Variants in SETD1A observed in about 807,000 individuals in gnomAD.
The protein encoded by SETD1A is SET domain containing 1A, histone lysine methyltransferase.
Under a neutral mutation model 149.9 loss-of-function variants are expected in SETD1A, and 29 were observed. The ratio of observed to expected loss-of-function variants is 0.19; its 90% confidence interval spans 0.14 to 0.26. The LOEUF (loss-of-function observed/expected upper bound fraction) is 0.26. SETD1A is among the 10% of genes least tolerant of loss of function. The probability of loss-of-function intolerance (pLI) is 1.00; values close to 1 mark genes in which losing one functional copy is unlikely to be tolerated. For missense variants in SETD1A, 2,109 were observed against 2,353.1 expected, an observed-to-expected ratio of 0.90 and a Z score of 2.15; for synonymous variants, 1,141 against 968.5, an observed-to-expected ratio of 1.18 and a Z score of -3.31.
chr16:30,981,306 A>T, intron 17 of SETD1A, 126 bp downstream of exon 17: 1 of 1,241,108 alleles, frequency 8.1e-7, no homozygotes, highest in Non-Finnish European at 1.1e-6. Context: ...AGCCAGTGAG[A>T]CCAGCCTCCC....
chr16:30,960,199 A>G (rs577637106), intron 3 of SETD1A, among the ~76,000 whole-genome samples: 1 of 151,752 alleles, frequency 6.6e-6, no homozygotes, highest in South Asian at 2.1e-4. Context: ...CCTTGCTGTC[A>G]TTTGTCTCTT....
chr16:30,974,154 A>G (rs1471322993), intron 13 of SETD1A, among the ~76,000 whole-genome samples: 1 of 152,122 alleles, frequency 6.6e-6, no homozygotes, highest in Non-Finnish European at 1.5e-5. Context: ...TTTAGGAGGT[A>G]GGATGATTTG....
chr16:30,964,154 G>A lies in SETD1A; in HGVS notation c.700G>A (p.Val234Met). Reference protein sequence around the residue: ...TAAYPAGTTAVGTPGNGTPCS... With the variant: ...TAAYPAGTTAMGTPGNGTPCS... ...TGCCTACCCAGCAGGCACCACTGCG[G>A]TGGGCACTCCTGGCAACGGCACCCC... Residue 234 changes from valine to methionine, a missense_variant, in exon 6 of 19, where the codon GTG becomes ATG. By Grantham distance (21) the Val-to-Met change is conservative (BLOSUM62 1). Around this residue, in one of 8 missense-constraint regions of SETD1A, gnomAD observed 410 missense variants for 394.8 expected, o/e 1.04. Transcript: ENST00000262519. 6.2e-7 allele frequency: 1 copy of A among 1,614,100 alleles called. No individual in the cohort carries two copies. Among genetic ancestry groups the A allele is most frequent in the Non-Finnish European group, 8.5e-7 (1 of 1,179,998 alleles).
In SETD1A at chr16:30,979,763, C is replaced by T. The variant is rs1407942319; in HGVS notation, c.3977C>T (p.Ala1326Val). Residue 1326 changes from alanine (A) to valine (V), a missense_variant, in exon 14 of 19, where the codon GCC becomes GTC. Physicochemically the swap from Ala to Val is moderately conservative, Grantham distance 64. Around this residue, in one of 8 missense-constraint regions of SETD1A, gnomAD observed 832 missense variants for 815.6 expected, o/e 1.02. Coordinates refer to ENST00000262519, the MANE Select transcript of SETD1A (RefSeq NM_014712.3). ...RPPEPVPAPA[A>V]LFSSPADEVL... ...CCGGAGCCAGTGCCCGCACCCGCCGCCCTCTTCAGTTCCCCAGCTGATGAG... is the reference window on the plus strand; with the variant it reads ...CCGGAGCCAGTGCCCGCACCCGCCGTCCTCTTCAGTTCCCCAGCTGATGAG... 4 of 1,595,468 alleles carry T rather than the reference C, an allele frequency of 2.5e-6. No individual in the cohort carries two copies. The highest frequency in any genetic ancestry group is 1.7e-5 in the Admixed American group (1 of 59,132).
At position 30,966,875 on chromosome 16, in the gene SETD1A, T is replaced by C. The variant is rs1441257741; in HGVS notation, c.2506-9T>C. 1.9e-6 allele frequency: 3 copies of C among 1,547,716 alleles called. No individual in the cohort carries two copies. The South Asian group carries it at 3.6e-5, about 19-fold the overall frequency. On this transcript the variant is annotated splice_polypyrimidine_tract_variant and intron_variant, in intron 8 of 18. Coordinates refer to ENST00000262519, the MANE Select transcript of SETD1A (RefSeq NM_014712.3). ...GGGCGCTGGGGCTCAGCCCCACTGC[T>C]GCCTGCAGCCATTCCAGAACGCGGC...
rs981149399 is a variant in SETD1A, at chr16:30,965,653, G to A, written c.1772G>A (p.Gly591Asp). The A allele has an allele frequency of 1.2e-6, 2 of 1,609,294 alleles. No homozygotes were observed. The highest frequency in any genetic ancestry group is 1.7e-5 in the Admixed American group (1 of 59,622). The change falls in exon 8 of 19, where the codon GGT becomes GAT. Residue 591 changes from glycine to aspartate, a missense_variant. Physicochemically the swap from Gly to Asp is moderately conservative, Grantham distance 94 (BLOSUM62 -1). Transcript: ENST00000262519. ...ATGGAGATCTCCGACGACGACCGGG[G>A]TGGCTCACCCCCTCCGGCCCCGACG... ...DDMEISDDDR[G>D]GSPPPAPTPP... is the part of the protein sequence containing the mutation.
rs573452996 is a variant in SETD1A, at chr16:30,980,426, C to T, written c.4409-59C>T. The stretch of plus-strand genomic sequence containing the variant: ...CTCAGCGGCGTGGGCCCCGCCCTCT[C>T]CTTTGGCTGGGACGCAGGTGGCCAG... On this transcript the variant is annotated intron_variant, in intron 14 of 18. Transcript: ENST00000262519. The surrounding 1 kb of genome is among the most constrained non-coding windows in gnomAD (Gnocchi z 7.7). 2.4e-5 allele frequency: 37 copies of T among 1,566,002 alleles called. No homozygotes were observed. The East Asian group carries it at 7.2e-4, about 30-fold the overall frequency.
chr16:30,978,340 G>A (rs1230035100), intron 13 of SETD1A, among the ~76,000 whole-genome samples: 1 of 151,706 alleles, frequency 6.6e-6, no homozygotes, highest in Non-Finnish European at 1.5e-5. Context: ...GTTACTCTAC[G>A]TAAGAGGTGT....
rs2143578584 is a variant in SETD1A, at chr16:30,979,502, T to C, written c.3716T>C (p.Leu1239Pro). 6.2e-7 allele frequency: 1 copy of C among 1,604,698 alleles called. No individual in the cohort carries two copies. Among genetic ancestry groups the C allele is most frequent in the African/African-American group, 1.3e-5 (1 of 74,898 alleles). ...AGCCGGGCTGGAGGCCGAGGCCGCC[T>C]CACCGAGGAAGAGGAGGCTGAGCCA... ...GRSRAGGRGR[L>P]TEEEEAEPGT... Residue 1239 changes from leucine to proline, a missense_variant, in exon 14 of 19, where the codon CTC (leucine) becomes CCC (proline). By Grantham distance (98) the Leu-to-Pro change is moderately conservative (BLOSUM62 -3). Coordinates refer to ENST00000262519, the MANE Select transcript of SETD1A (RefSeq NM_014712.3).
intron 6 of SETD1A, 67 bp downstream of exon 6, chr16:30,964,390 C>G (rs1330433412): frequency 8.5e-6 from 12 of 1,403,842 alleles, no homozygotes; most frequent in Admixed American, 5.6e-5. Flanking sequence ...GAAGAAGATG[C>G]CCAGAGTCTG....
chr16:30,973,163 A>C (rs542862443), intron 13 of SETD1A, among the ~76,000 whole-genome samples: 1 of 152,294 alleles, frequency 6.6e-6, no homozygotes, highest in Non-Finnish European at 1.5e-5. Flanking sequence ...CCCAGCAGAC[A>C]AATAGGCCAG....
intron 12 of SETD1A, among the ~76,000 whole-genome samples, chr16:30,970,803 C>G (rs1341566743): frequency 2.0e-5 from 3 of 152,216 alleles, no homozygotes; most frequent in Non-Finnish European, 4.4e-5. Flanking sequence ...TCGCCCTCCT[C>G]CAGTCCGCTC....
chr16:30,980,247 C>G lies in SETD1A; in HGVS notation c.4408+53C>G. On this transcript the variant is annotated intron_variant, in intron 14 of 18. Transcript: ENST00000262519. This position sits in a 1 kb window ranked among gnomAD's most constrained non-coding sequence, Gnocchi z 7.7. ...GGGCTTGGGTCCTCCCCCGACCCCT[C>G]CAGGCACCTGCATCTGTGCCCCACT... 1 of 1,532,158 alleles carries G rather than the reference C, an allele frequency of 6.5e-7. No individual in the cohort carries two copies. Among genetic ancestry groups the G allele is most frequent in the South Asian group, 1.3e-5 (1 of 78,288 alleles). The allele number at this position is 1,532,158 out of a possible 1,614,324, so 94.9% of individuals were successfully genotyped here.
Position 30,980,871 on chromosome 16 carries a change from G to A in SETD1A, c.4692+22G>A, listed in dbSNP as rs1213899243. The stretch of plus-strand genomic sequence containing the variant: ...CAAGGTGAGGCTGGGCTGCAGGAGG[G>A]GCTGGGTGGGGTGGGGTGGGGCAGG... On this transcript the variant is annotated intron_variant, in intron 16 of 18. Coordinates refer to ENST00000262519, the MANE Select transcript of SETD1A (RefSeq NM_014712.3). The surrounding 1 kb of genome is among the most constrained non-coding windows in gnomAD (Gnocchi z 7.7). The A allele has an allele frequency of 2.6e-6, 4 of 1,513,200 alleles. No individual in the cohort carries two copies. The highest frequency in any genetic ancestry group is 1.8e-4 in the Middle Eastern group (1 of 5,686). The allele number at this position is 1,513,200 out of a possible 1,614,324, so 93.7% of individuals were successfully genotyped here.
At chr16:30,963,122 T>G (rs1057488147) in intron 4 of SETD1A, among the ~76,000 whole-genome samples, 2 of 152,336 alleles carry the variant, frequency 1.3e-5, no homozygotes, top group South Asian at 4.1e-4. Context: ...TTCTGTGACT[T>G]TGTGTAGGTC....
Position 30,984,183 on chromosome 16 carries a change from G to T in SETD1A, c.*160G>T. 1 of 620,608 alleles carries T rather than the reference G, an allele frequency of 1.6e-6. No individual in the cohort carries two copies. The allele number at this position is 620,608 out of a possible 1,614,324, so 38.4% of individuals were successfully genotyped here. On this transcript the variant is annotated 3_prime_UTR_variant, in exon 19 of 19. Coordinates refer to ENST00000262519, the MANE Select transcript of SETD1A (RefSeq NM_014712.3). ...CCCAGCGAGGGAGCCTCAGTCCCTG[G>T]AGGCAGCTTCTGCCTCTCCTGTCAC...
chr16:30,983,896 T>TC lies in SETD1A; in HGVS notation c.4998dup (p.Val1667ArgfsTer68). The TC allele has an allele frequency of 6.2e-7, 1 of 1,612,638 alleles. No individual in the cohort carries two copies. Among genetic ancestry groups the TC allele is most frequent in the Non-Finnish European group, 8.5e-7 (1 of 1,179,300 alleles). The stretch of plus-strand genomic sequence containing the variant: ...ATCACCATCGAGTCCCAGAAGAAGA[T>TC]CGTGATCTACTCCAAGCAGCCCATT... On this transcript the variant is annotated frameshift_variant, in exon 19 of 19. Coordinates refer to ENST00000262519, the MANE Select transcript of SETD1A (RefSeq NM_014712.3). LOFTEE classifies it high-confidence loss of function. This position sits in a 1 kb window ranked among gnomAD's most constrained non-coding sequence, Gnocchi z 6.8.
At chr16:30,964,469 T>C (rs1037228076) in intron 6 of SETD1A, 143 bp from the exon 7 acceptor site, 1 of 1,435,102 alleles carries the variant, frequency 7.0e-7, no homozygotes, top group Non-Finnish European at 9.5e-7. Flanking sequence ...ATTGCTGTCC[T>C]CGGGGAACAC....
chr16:30,962,189 T>G (rs772958838), intron 4 of SETD1A, among the ~76,000 whole-genome samples: 3 of 152,004 alleles, frequency 2.0e-5, no homozygotes, highest in Non-Finnish European at 4.4e-5. Context: ...CTCAGCCTCT[T>G]GAGTAGCTAG....
Sources: allele counts gnomAD v4.1 joint callset (sites outside exome capture counted in the v4.1 genomes callset), GRCh38; gene constraint gnomAD v4.1.1; regional missense constraint gnomAD v4.1.1; non-coding constraint Gnocchi (gnomAD v3.1); transcripts MANE v1.5; gene names NCBI Gene and HGNC (gene_info 2026-07-23, HGNC 2026-07-21).